CHPT1: variants seen among roughly 807,000 people sequenced by gnomAD.
The protein encoded by CHPT1 is choline phosphotransferase 1, also known as cholinephosphotransferase 1.
In CHPT1, 36 loss-of-function variants were observed where a neutral mutation model predicts 47.6. The observed-to-expected ratio is 0.76, with a 90% CI of 0.58 to 1.00. The LOEUF (loss-of-function observed/expected upper bound fraction) is 1.00, where lower values mean the gene tolerates loss of function less well. CHPT1 is among the 50% of genes least tolerant of loss of function. The pLI is 0.00. For missense variants in CHPT1, 458 were observed against 498.1 expected (o/e 0.92, Z 0.77); for synonymous variants, 194 against 186.3 (o/e 1.04, Z -0.33).
chr12:101,714,425 G>A (rs748028355), intron 2 of CHPT1, 79 bp from the exon 3 acceptor site: 7 of 1,285,138 alleles, frequency 5.4e-6, no homozygotes, highest in African/African-American at 1.5e-5. Flanking sequence ...TTAGAGCTCT[G>A]TATTTCTAAA....
intron 5 of CHPT1, 114 bp from the exon 6 acceptor site, chr12:101,723,054 A>G (rs1951881106): frequency 1.1e-6 from 1 of 906,168 alleles, no homozygotes; most frequent in African/African-American, 1.7e-5. Flanking sequence ...TAGGCCATAC[A>G]CTACATCACA....
At chr12:101,725,740 TGA>T (rs1951933250) in intron 7 of CHPT1, among the ~76,000 whole-genome samples, 1 of 152,174 alleles carries the variant, frequency 6.6e-6, no homozygotes, top group Non-Finnish European at 1.5e-5. Flanking sequence ...GGCAGAGCTA[TGA>T]GTCTCCTTTT....
intron 1 of CHPT1, among the ~76,000 whole-genome samples, chr12:101,700,584 G>C (rs1951541143): frequency 6.6e-6 from 1 of 152,164 alleles, no homozygotes; most frequent in Admixed American, 6.5e-5. Flanking sequence ...TAAGTTCATA[G>C]AACTAGCAAA....
At chr12:101,726,122 C>T (rs1164967864) in intron 7 of CHPT1, among the ~76,000 whole-genome samples, 172 bp from the exon 8 acceptor site, 1 of 152,010 alleles carries the variant, frequency 6.6e-6, no homozygotes, top group African/African-American at 2.4e-5. Flanking sequence ...CTGCATTTTC[C>T]AGAGGACTAC....
chr12:101,720,364 G>T (rs1951830655), intron 5 of CHPT1, 110 bp downstream of exon 5: 1 of 904,992 alleles, frequency 1.1e-6, no homozygotes, highest in Admixed American at 2.6e-5. Context: ...AGGAAACTAA[G>T]TATCTTAAAG....
Position 101,729,012 on chromosome 12 carries a change from T to C in CHPT1, c.*67T>C, listed in dbSNP as rs752194537. The C allele has an allele frequency of 6.2e-7, 1 of 1,613,144 alleles. No homozygotes were observed. Among genetic ancestry groups the C allele is most frequent in the South Asian group, 1.1e-5 (1 of 91,040 alleles). On this transcript the variant is annotated 3_prime_UTR_variant, in exon 9 of 9. Transcript: ENST00000229266. Reference sequence around the variant, plus strand: ...CATGGAAGGAGATATTAAACATTTGTTTAATTTTTATTTAAGTGTTATACC... The same window carrying C: ...CATGGAAGGAGATATTAAACATTTGCTTAATTTTTATTTAAGTGTTATACC...
chr12:101,722,588 C>G (rs1055984640), intron 5 of CHPT1, among the ~76,000 whole-genome samples: 1 of 151,636 alleles, frequency 6.6e-6, no homozygotes, highest in Non-Finnish European at 1.5e-5. Flanking sequence ...TGTGGTGGCT[C>G]TCGCCTGTAA....
chr12:101,717,325 C>T (rs1566040638), intron 4 of CHPT1: 5 of 453,212 alleles, frequency 1.1e-5, no homozygotes, highest in South Asian at 6.2e-5. Flanking sequence ...TAGGAGGCCA[C>T]TGTCATAAAT....
At chr12:101,727,652 T>TCTAA (rs1013733932) in intron 8 of CHPT1, 12 of 152,316 alleles carry the variant, frequency 7.9e-5, no homozygotes, top group South Asian at 2.1e-4. Flanking sequence ...TTATTTTGCC[T>TCTAA]CTAACTAACT....
chr12:101,725,440 G>C (rs1363208429), intron 7 of CHPT1, among the ~76,000 whole-genome samples: 5 of 152,090 alleles, frequency 3.3e-5, no homozygotes, highest in Admixed American at 3.3e-4. Context: ...AAAACTCAAT[G>C]TAAGTTTTCT....
chr12:101,720,684 G>T (rs954176946), intron 5 of CHPT1, among the ~76,000 whole-genome samples: 1 of 152,152 alleles, frequency 6.6e-6, no homozygotes, highest in Non-Finnish European at 1.5e-5. Flanking sequence ...ATATTTAAAA[G>T]AACTATTCTA....
intron 1 of CHPT1, among the ~76,000 whole-genome samples, chr12:101,704,635 G>A (rs1212673990): frequency 2.1e-5 from 3 of 143,538 alleles, no homozygotes. Flanking sequence ...TCCTGACCTC[G>A]GGTGATCCAC....
intron 3 of CHPT1, among the ~76,000 whole-genome samples, chr12:101,716,043 T>C (rs996288060): frequency 9.2e-5 from 14 of 152,276 alleles, no homozygotes; most frequent in Admixed American, 2.6e-4. Context: ...AAAGCCAGAC[T>C]AGAGTGTGTT....
chr12:101,720,426 A>G (rs1324346543), intron 5 of CHPT1, among the ~76,000 whole-genome samples, 172 bp downstream of exon 5: 1 of 152,226 alleles, frequency 6.6e-6, no homozygotes, highest in African/African-American at 2.4e-5. Context: ...GTTTAAACTG[A>G]TATTTTCCTC....
At chr12:101,726,535 AACAT>A (rs1202698822) in intron 8 of CHPT1, 131 bp downstream of exon 8, 2 of 1,289,408 alleles carry the variant, frequency 1.6e-6, no homozygotes, top group African/African-American at 3.0e-5. Flanking sequence ...TTGAATATAA[AACAT>A]AAACCCTGTA....
Position 101,721,715 on chromosome 12 carries a change from G to T in CHPT1, c.781-1453G>T, listed in dbSNP as rs890919992. On this transcript the variant is annotated intron_variant, in intron 5 of 8. Transcript: ENST00000229266. ...GATAACATAGAACAATAGTTGGAAC[G>T]TTAAGTTCCATTGAAGAAAACAAGA... 1.1e-3 allele frequency among the ~76,000 whole-genome samples: 160 copies of T among 152,274 alleles called. 1 individual carries two copies. Among genetic ancestry groups the T allele is most frequent in the African/African-American group, 3.7e-3 (155 of 41,550 alleles).
At chr12:101,699,685 G>C (rs1159410283) in intron 1 of CHPT1, among the ~76,000 whole-genome samples, 1 of 152,148 alleles carries the variant, frequency 6.6e-6, no homozygotes, top group Non-Finnish European at 1.5e-5. Flanking sequence ...CACTGCGCCA[G>C]GCTTATTATA....
chr12:101,713,740 C>G (rs1429301599), intron 1 of CHPT1, among the ~76,000 whole-genome samples: 2 of 151,824 alleles, frequency 1.3e-5, no homozygotes, highest in Non-Finnish European at 2.9e-5. Flanking sequence ...GCAGTTGGCC[C>G]CTAAGGTCTT....
At chr12:101,723,871 TTATTTTTTAACAATGCTTAAGAGC>T (rs779486456) in intron 7 of CHPT1, 24 bp downstream of exon 7, 150 of 1,464,626 alleles carry the variant, frequency 1.0e-4, no homozygotes, top group Non-Finnish European at 1.4e-4. Context: ...TCCATTTTAT[TTATTTTTTAACAATGCTTAAGAGC>T]TATTTCAGTG....
Sources: gnomAD v4.1 joint callset for allele counts (sites outside exome capture counted in the v4.1 genomes callset) on GRCh38, gnomAD v4.1.1 for gene constraint, MANE v1.5 for transcripts, NCBI Gene and HGNC (gene_info 2026-07-23, HGNC 2026-07-21) for gene names.